SCAPER: variants seen among roughly 807,000 people sequenced by gnomAD.
SCAPER encodes the protein S-phase cyclin A associated protein in the ER, also known as S phase cyclin A-associated protein in the endoplasmic reticulum.
SCAPER carries 98 observed loss-of-function variants against 182.2 expected under a neutral mutation model. The ratio of observed to expected loss-of-function variants is 0.54; its 90% CI spans 0.46 to 0.64. The LOEUF (loss-of-function observed/expected upper bound fraction) is 0.64, where lower values mean the gene tolerates loss of function less well. Ranked by LOEUF, SCAPER falls within the 30% of genes least tolerant of loss-of-function variation. The pLI, the probability that SCAPER is intolerant of heterozygous loss-of-function variation, is 0.00. For missense variants in SCAPER, 1,432 were observed against 1,690.0 expected (o/e 0.85, Z 2.68); for synonymous variants, 605 against 564.6 (o/e 1.07, Z -1.01).
At position 76,822,757 on chromosome 15, in the gene SCAPER, T is replaced by C. The variant is rs975093832; in HGVS notation, c.394-18124A>G. On this transcript the variant is annotated intron_variant, in intron 5 of 31. Transcript: ENST00000563290. ...GGTACTGATCACTGATGCATCTAAA[T>C]GGAAATTAAAATTTTATGGAAGAAA... 1.2e-4 allele frequency among the ~76,000 whole-genome samples: 19 copies of C among 152,278 alleles called. 1 individual carries two copies. The highest frequency in any genetic ancestry group is 4.1e-4 in the African/African-American group (17 of 41,548).
rs764240247 is a variant in SCAPER, at chr15:76,858,678, T to C, written c.125-799A>G. On this transcript the variant is annotated intron_variant, in intron 3 of 31. Transcript: ENST00000563290. ...GCTCCCTTCTTTGTGTCCATGTATA[T>C]GTACTCAATGTTTAGTTCCCACTTA... is the stretch of plus-strand genomic sequence containing the variant. Among the ~76,000 whole-genome samples the C allele has an allele frequency of 7.2e-5, 11 of 152,268 alleles. No homozygotes were observed. In the South Asian group the frequency reaches 1.9e-3, roughly 26 times the overall value.
At chr15:76,747,064 G>T (rs2061833928) in intron 15 of SCAPER, among the ~76,000 whole-genome samples, 1 of 152,188 alleles carries the variant, frequency 6.6e-6, no homozygotes, top group South Asian at 2.1e-4. Context: ...GTTTGGTGGG[G>T]ACAGGGATAA....
intron 15 of SCAPER, among the ~76,000 whole-genome samples, chr15:76,746,731 GA>G (rs1283766595): frequency 2.0e-5 from 3 of 152,088 alleles, no homozygotes; most frequent in Non-Finnish European, 2.9e-5. Context: ...CATTAGCAAT[GA>G]ATAATCAAAA....
intron 8 of SCAPER, among the ~76,000 whole-genome samples, chr15:76,786,745 T>C (rs1027073027): frequency 2.0e-5 from 3 of 152,070 alleles, no homozygotes; most frequent in Admixed American, 6.6e-5. Flanking sequence ...GATGACATAA[T>C]AGAAAATCCC....
At position 76,605,955 on chromosome 15, in the gene SCAPER, T is replaced by A. The variant is rs546906598; in HGVS notation, c.2711+15809A>T. Among the ~76,000 whole-genome samples the A allele has an allele frequency of 3.1e-3, 471 of 152,322 alleles. 5 individuals carry two copies. The highest frequency in any genetic ancestry group is 0.011 in the African/African-American group (451 of 41,574). Reference sequence around the variant, plus strand: ...GCTAGCGGTCTATCAATTTTGCTGATCTTTTCGAAAAACCAGCTCCTGGAT... The same window carrying A: ...GCTAGCGGTCTATCAATTTTGCTGAACTTTTCGAAAAACCAGCTCCTGGAT... On this transcript the variant is annotated intron_variant, in intron 22 of 31. Transcript: ENST00000563290.
chr15:76,728,415 T>TC (rs1329585946), intron 17 of SCAPER, among the ~76,000 whole-genome samples, 180 bp downstream of exon 17: 2 of 152,084 alleles, frequency 1.3e-5, no homozygotes, highest in Non-Finnish European at 2.9e-5. Context: ...ACACCTGTAG[T>TC]CCAAGCTACT....
intron 8 of SCAPER, among the ~76,000 whole-genome samples, chr15:76,786,255 A>AG (rs2064594311): frequency 6.8e-6 from 1 of 147,860 alleles, no homozygotes; most frequent in African/African-American, 2.5e-5. Flanking sequence ...TGAACCCAAG[A>AG]GGCAGAGGTT....
intron 20 of SCAPER, among the ~76,000 whole-genome samples, chr15:76,698,982 T>C (rs565498222): frequency 8.5e-5 from 13 of 152,298 alleles, no homozygotes; most frequent in African/African-American, 2.6e-4. Flanking sequence ...TCTTTCACCT[T>C]CCTGTTTAGC....
chr15:76,440,536 A>G (rs1209264323), intron 25 of SCAPER, among the ~76,000 whole-genome samples: 1 of 152,240 alleles, frequency 6.6e-6, no homozygotes, highest in Non-Finnish European at 1.5e-5. Context: ...TTCAAGCTGT[A>G]CAGTGTATAC....
At chr15:76,727,897 AGG>A (rs1291490068) in intron 17 of SCAPER, among the ~76,000 whole-genome samples, 1 of 152,076 alleles carries the variant, frequency 6.6e-6, no homozygotes, top group East Asian at 1.9e-4. Context: ...AAATTTGAAT[AGG>A]CACTTTGCAT....
chr15:76,765,977 C>T (rs971838959), intron 11 of SCAPER, among the ~76,000 whole-genome samples: 1 of 152,078 alleles, frequency 6.6e-6, no homozygotes, highest in East Asian at 1.9e-4. Context: ...ATTTAATAAA[C>T]CAATATGTAA....
chr15:76,728,864 C>T, intron 16 of SCAPER, 127 bp from the exon 17 acceptor site: 1 of 953,974 alleles, frequency 1.0e-6, no homozygotes, highest in Non-Finnish European at 1.5e-6. Flanking sequence ...CCACTAGGTA[C>T]TCTGCTTCTT....
At chr15:76,761,667 T>C (rs1023599084) in intron 14 of SCAPER, among the ~76,000 whole-genome samples, 5 of 152,232 alleles carry the variant, frequency 3.3e-5, no homozygotes, top group Non-Finnish European at 7.4e-5. Context: ...GATTTCCATC[T>C]TCTTAAATTT....
At chr15:76,477,848 T>C (rs1448612779) in intron 24 of SCAPER, among the ~76,000 whole-genome samples, 1 of 152,112 alleles carries the variant, frequency 6.6e-6, no homozygotes, top group Non-Finnish European at 1.5e-5. Flanking sequence ...TTTTCCTTAT[T>C]TATTTATAAG....
intron 17 of SCAPER, among the ~76,000 whole-genome samples, chr15:76,715,168 C>T (rs1475973222): frequency 1.3e-5 from 2 of 151,908 alleles, no homozygotes; most frequent in African/African-American, 4.8e-5. Context: ...GATACCTCCC[C>T]CAGACCACAT....
chr15:76,610,818 T>TCC (rs1567594043), intron 22 of SCAPER, among the ~76,000 whole-genome samples: 19 of 152,304 alleles, frequency 1.2e-4, no homozygotes, highest in African/African-American at 4.6e-4. Context: ...TGGATTGGAA[T>TCC]AATATTGTTA....
intron 8 of SCAPER, among the ~76,000 whole-genome samples, chr15:76,781,565 G>A (rs890884540): frequency 2.0e-5 from 3 of 152,106 alleles, no homozygotes; most frequent in Non-Finnish European, 4.4e-5. Context: ...CTTGAGAAGA[G>A]AAACCCCAAG....
At chr15:76,704,402 C>G (rs567556399) in intron 18 of SCAPER, among the ~76,000 whole-genome samples, 1 of 152,284 alleles carries the variant, frequency 6.6e-6, no homozygotes, top group South Asian at 2.1e-4. Context: ...TTGCCCATGC[C>G]TATGTCCTGA....
Position 76,724,138 on chromosome 15 carries a change from T to C in SCAPER, c.2165+4457A>G, listed in dbSNP as rs8028678. On this transcript the variant is annotated intron_variant, in intron 17 of 31. Coordinates refer to ENST00000563290, the MANE Select transcript of SCAPER (RefSeq NM_020843.4). The stretch of plus-strand genomic sequence containing the variant: ...GCCTGGTAGTGACAAAATCTCTCAG[T>C]CTTTGCTTGTTTGTAAAGCAAAGAC... Among the ~76,000 whole-genome samples, 1,044 of 104,458 alleles carry C rather than the reference T, an allele frequency of 1.0e-2. 8 individuals are homozygous for C. Among genetic ancestry groups the C allele is most frequent in the African/African-American group, 0.035 (992 of 28,516 alleles). The allele number at this position is 104,458 out of a possible 152,430, so 68.5% of individuals were successfully genotyped here.
Sources: gnomAD v4.1 joint callset for allele counts (sites outside exome capture counted in the v4.1 genomes callset) on GRCh38, gnomAD v4.1.1 for gene constraint, MANE v1.5 for transcripts, NCBI Gene and HGNC (gene_info 2026-07-23, HGNC 2026-07-21) for gene names.